Variants in FMR1NB observed in about 807,000 individuals in gnomAD.
The protein encoded by FMR1NB is FMR1 neighbor protein.
In FMR1NB, 10 loss-of-function variants were observed where a neutral mutation model predicts 16.8. The observed-to-expected ratio is 0.60, with a 90% CI of 0.37 to 1.01. FMR1NB has a LOEUF of 1.01. Among genes scored for constraint, FMR1NB ranks in the 50% least tolerant of loss-of-function variants. The pLI, the probability that FMR1NB is intolerant of heterozygous loss-of-function variation, is 0.01. For synonymous variants in FMR1NB, 83 were observed against 79.1 expected (o/e 1.05, Z -0.26); for missense variants, 205 against 204.8 (o/e 1.00, Z 0.00).
chrX:148,018,828 T>A (rs1042132202), intron 4 of FMR1NB, among the ~76,000 whole-genome samples: 1 of 111,388 alleles, frequency 9.0e-6, no homozygotes, highest in Admixed American at 9.5e-5. Flanking sequence ...ACAAATGGGA[T>A]CTAATTAAAC....
chrX:148,001,266 C>T (rs1557188629), intron 1 of FMR1NB, among the ~76,000 whole-genome samples: 1 of 112,151 alleles, frequency 8.9e-6, no homozygotes, highest in Non-Finnish European at 1.9e-5. Context: ...TATCAATTCT[C>T]TCCAAATGAG....
intron 5 of FMR1NB, chrX:148,025,939 C>G (rs1557190962): frequency 9.0e-6 from 1 of 111,175 alleles, no homozygotes; most frequent in Non-Finnish European, 1.9e-5. Context: ...CTTTAACTTT[C>G]TTGGGCTTCA....
chrX:148,010,789 G>A (rs1022815127), intron 4 of FMR1NB, among the ~76,000 whole-genome samples: 1 of 111,032 alleles, frequency 9.0e-6, no homozygotes, highest in Non-Finnish European at 1.9e-5. Flanking sequence ...TTCATCATTG[G>A]AAGATACCCT....
chrX:148,017,720 T>C (rs1285097473), intron 4 of FMR1NB, among the ~76,000 whole-genome samples: 1 of 73,134 alleles, frequency 1.4e-5, no homozygotes, highest in Non-Finnish European at 2.4e-5. Flanking sequence ...CCCCAGAGTG[T>C]GATATTCCCC....
chrX:148,006,623 T>C (rs2044597551), intron 2 of FMR1NB, 79 bp from the exon 3 acceptor site: 1 of 1,048,068 alleles, frequency 9.5e-7, no homozygotes, highest in Non-Finnish European at 1.3e-6. Flanking sequence ...TTCTTCTTTG[T>C]CTTCCAGTAA....
Position 148,011,188 on chromosome X carries a change from C to T in FMR1NB, c.632+2477C>T, listed in dbSNP as rs1260520843. Among the ~76,000 whole-genome samples, 5 of 110,211 alleles carry T rather than the reference C, an allele frequency of 4.5e-5. No individual in the cohort carries two copies. The East Asian group carries it at 8.6e-4, about 19-fold the overall frequency. ...CTGAGGCAGGAGAATCGCTTGAACC[C>T]GGGAGGCGGCAGTTACAGTGAGCCG... On this transcript the variant is annotated intron_variant, in intron 4 of 5. Coordinates refer to ENST00000370467, the MANE Select transcript of FMR1NB (RefSeq NM_152578.3).
chrX:148,020,385 C>T (rs1203445853), intron 4 of FMR1NB, among the ~76,000 whole-genome samples: 2 of 112,133 alleles, frequency 1.8e-5, no homozygotes, highest in African/African-American at 3.2e-5. Context: ...ACTTGGTGCT[C>T]TACTCCCCTG....
In FMR1NB at chrX:147,992,826, G is replaced by A. The variant is rs1209868669; in HGVS notation, c.278-10375G>A. Among the ~76,000 whole-genome samples, 186 of 78,981 alleles carry A rather than the reference G, an allele frequency of 2.4e-3. 12 individuals carry two copies. Among genetic ancestry groups the A allele is most frequent in the African/African-American group, 0.011 (167 of 15,796 alleles). The allele number at this position is 78,981 out of a possible 115,157, so 68.6% of individuals were successfully genotyped here. On this transcript the variant is annotated intron_variant, in intron 1 of 5. Coordinates refer to ENST00000370467, the MANE Select transcript of FMR1NB (RefSeq NM_152578.3). ...CCCACATCTCAGATGATGGGTGGCCGGGCAGAGACGCTCCTCACTTCCTAG... is the reference window on the plus strand; with the variant it reads ...CCCACATCTCAGATGATGGGTGGCCAGGCAGAGACGCTCCTCACTTCCTAG...
chrX:147,984,867 T>G (rs1344351809), intron 1 of FMR1NB, among the ~76,000 whole-genome samples: 1 of 112,140 alleles, frequency 8.9e-6, no homozygotes, highest in Non-Finnish European at 1.9e-5. Flanking sequence ...TTCATTCTGT[T>G]CCTAGTTTGC....
chrX:148,003,927 G>A (rs1309590728), intron 2 of FMR1NB, among the ~76,000 whole-genome samples: 1 of 111,952 alleles, frequency 8.9e-6, no homozygotes, highest in Non-Finnish European at 1.9e-5. Context: ...ATTGGAATAT[G>A]TGAAGTACAA....
chrX:147,993,711 CTTTA>C (rs782210856), intron 1 of FMR1NB, among the ~76,000 whole-genome samples: 11 of 109,870 alleles, frequency 1.0e-4, no homozygotes, highest in African/African-American at 2.7e-4. Flanking sequence ...TCTCTTACCT[CTTTA>C]TTTACCCTCC....
chrX:147,982,397 G>A (rs987996690), intron 1 of FMR1NB, among the ~76,000 whole-genome samples: 2 of 109,616 alleles, frequency 1.8e-5, no homozygotes, highest in African/African-American at 6.6e-5. Context: ...AGACTAGCCT[G>A]GGCAACAAGG....
At chrX:148,006,618 CTTT>C in intron 2 of FMR1NB, 81 bp from the exon 3 acceptor site, 5 of 1,030,987 alleles carry the variant, frequency 4.8e-6, no homozygotes, top group Non-Finnish European at 6.5e-6. Context: ...TGCTTTTCTT[CTTT>C]GTCTTCCAGT....
intron 5 of FMR1NB, chrX:148,026,098 T>C (rs915810056): frequency 9.0e-6 from 1 of 111,679 alleles, no homozygotes; most frequent in South Asian, 3.7e-4. Flanking sequence ...TATGTATTAC[T>C]ATAATGCCTG....
intron 5 of FMR1NB, among the ~76,000 whole-genome samples, chrX:148,025,501 G>A (rs1454765389): frequency 9.0e-6 from 1 of 111,624 alleles, no homozygotes; most frequent in East Asian, 2.8e-4. Flanking sequence ...AGGGATCCCA[G>A]AATCATACAC....
rs183702995 is a variant in FMR1NB at position 148,011,819 on chromosome X, A to G, written c.632+3108A>G. 5.4e-5 allele frequency among the ~76,000 whole-genome samples: 6 copies of G among 111,395 alleles called. No homozygotes were observed. In the East Asian group the frequency reaches 1.7e-3, roughly 32 times the overall value. ...ACAGCTTAATTTTGCCACTGAAAAA[A>G]TCTATAACTGAATCTCTAGTTTACT... On this transcript the variant is annotated intron_variant, in intron 4 of 5. Coordinates refer to ENST00000370467, the MANE Select transcript of FMR1NB (RefSeq NM_152578.3).
rs1167463876 is a variant in FMR1NB at position 148,003,052 on chromosome X, T to C, written c.278-149T>C. The C allele has an allele frequency of 5.1e-6, 3 of 582,776 alleles. No homozygotes were observed. In the African/African-American group the frequency reaches 6.8e-5, roughly 13 times the overall value. The allele number at this position is 582,776 out of a possible 1,213,427, so 48.0% of individuals were successfully genotyped here. A position where few individuals can be genotyped will look rare whatever the true frequency, so the allele number is the denominator to read the frequency against. The stretch of plus-strand genomic sequence containing the variant: ...AACAAAATTGCATTCTGATTATTAA[T>C]GATGCTTAAGCTGTTATGAGATGAA... On this transcript the variant is annotated intron_variant, in intron 1 of 5. Coordinates refer to ENST00000370467, the MANE Select transcript of FMR1NB (RefSeq NM_152578.3).
intron 1 of FMR1NB, among the ~76,000 whole-genome samples, chrX:148,002,793 G>T (rs1343976038): frequency 8.9e-6 from 1 of 112,192 alleles, no homozygotes; most frequent in Admixed American, 9.5e-5. Context: ...AGGTTTTACT[G>T]TATGTAAGGC....
At chrX:148,004,805 A>G (rs1413332715) in intron 2 of FMR1NB, among the ~76,000 whole-genome samples, 1 of 112,786 alleles carries the variant, frequency 8.9e-6, no homozygotes, top group Non-Finnish European at 1.9e-5. Flanking sequence ...AAAATTACAT[A>G]CTTAAACCTG....
Sources: gnomAD v4.1 joint callset for allele counts (sites outside exome capture counted in the v4.1 genomes callset) on GRCh38, gnomAD v4.1.1 for gene constraint, MANE v1.5 for transcripts, NCBI Gene and HGNC (gene_info 2026-07-23, HGNC 2026-07-21) for gene names.